The following GPR143 variants were observed in gnomAD, a reference collection of about 807,000 sequenced individuals.
GPR143 encodes G-protein coupled receptor 143.
In GPR143, 8 loss-of-function variants were observed where a neutral mutation model predicts 27.6. The observed-to-expected ratio is 0.29, with a 90% CI of 0.17 to 0.52. The LOEUF is 0.52. Ranked by LOEUF, GPR143 falls within the 20% of genes least tolerant of loss-of-function variation. The pLI, the probability that GPR143 is intolerant of heterozygous loss-of-function variation, is 0.96. For missense variants in GPR143, 303 were observed against 343.1 expected, an observed-to-expected ratio of 0.88 and a Z score of 0.92; for synonymous variants, 156 against 153.2, an observed-to-expected ratio of 1.02 and a Z score of -0.13.
At position 9,725,462 on chromosome X, in the gene GPR143, C is replaced by CACTT. The variant is rs954837294; in HGVS notation, c.*280_*283dup. ...TACTTCCCCAAGGATGTGGACCTTA[C>CACTT]ACTTACTTTACAGCCAGCCTCAGAA... is the stretch of plus-strand genomic sequence containing the variant. On this transcript the variant is annotated 3_prime_UTR_variant, in exon 9 of 9. Coordinates refer to ENST00000467482, the MANE Select transcript of GPR143 (RefSeq NM_000273.3). The CACTT allele has an allele frequency of 1.3e-5, 4 of 317,961 alleles. No homozygotes were observed. Among genetic ancestry groups the CACTT allele is most frequent in the Admixed American group, 5.4e-5 (1 of 18,639 alleles). The allele number at this position is 317,961 out of a possible 1,213,427, so 26.2% of individuals were successfully genotyped here. A position where few individuals can be genotyped will look rare whatever the true frequency, so the allele number is the denominator to read the frequency against.
chrX:9,748,715 C>T (rs1400331303), intron 3 of GPR143, 49 bp from the exon 4 acceptor site: 2 of 833,585 alleles, frequency 2.4e-6, no homozygotes, highest in Non-Finnish European at 3.6e-6. Flanking sequence ...GCACAGAGGC[C>T]TGCCTGGAAC....
At chrX:9,762,560 C>T (rs1188110042) in intron 1 of GPR143, among the ~76,000 whole-genome samples, 1 of 111,461 alleles carries the variant, frequency 9.0e-6, no homozygotes, top group Non-Finnish European at 1.9e-5. Flanking sequence ...CCATGCGATA[C>T]ACCACTAAAC....
At chrX:9,731,777 T>C (rs368810067) in intron 8 of GPR143, among the ~76,000 whole-genome samples, 4 of 87,852 alleles carry the variant, frequency 4.6e-5, no homozygotes, top group East Asian at 7.2e-4. Context: ...GAATAGGGAA[T>C]TGTGGGCAAT....
intron 3 of GPR143, among the ~76,000 whole-genome samples, chrX:9,755,559 C>T (rs959661974): frequency 9.1e-6 from 1 of 109,719 alleles, no homozygotes; most frequent in African/African-American, 3.3e-5. Context: ...ACTCCCAAGA[C>T]ACTACTTAAA....
intron 5 of GPR143, among the ~76,000 whole-genome samples, chrX:9,745,560 T>G (rs2083424877): frequency 2.7e-5 from 3 of 111,796 alleles, no homozygotes; most frequent in African/African-American, 9.8e-5. Flanking sequence ...GCCAACGACT[T>G]CATTACTCTT....
chrX:9,777,018 C>T (rs967077287), intron 1 of GPR143, among the ~76,000 whole-genome samples: 4 of 111,809 alleles, frequency 3.6e-5, no homozygotes, highest in Non-Finnish European at 5.6e-5. Flanking sequence ...GTTGCAATTA[C>T]CCAACTCTGC....
chrX:9,753,605 C>G (rs763487221), intron 3 of GPR143, among the ~76,000 whole-genome samples: 7 of 110,985 alleles, frequency 6.3e-5, no homozygotes, highest in Non-Finnish European at 1.1e-4. Context: ...TGCAGCAAAC[C>G]TGAACCTGAG....
rs1343628180 is a variant in GPR143, at chrX:9,748,917, G to A, written c.456-251C>T. The stretch of plus-strand genomic sequence containing the variant: ...TTTAGTACATTCACAATGCTCTGCA[G>A]CCATCACCAGCGTCTCCTTCCAAAA... On this transcript the variant is annotated intron_variant, in intron 3 of 8. Coordinates refer to ENST00000467482, the MANE Select transcript of GPR143 (RefSeq NM_000273.3). 3.6e-5 allele frequency among the ~76,000 whole-genome samples: 4 copies of A among 112,671 alleles called. No individual in the cohort carries two copies. The East Asian group carries it at 1.1e-3, about 31-fold the overall frequency.
At chrX:9,726,004 A>G in intron 8 of GPR143, 164 bp from the exon 9 acceptor site, 1 of 682,433 alleles carries the variant, frequency 1.5e-6, no homozygotes, top group Non-Finnish European at 1.7e-6. Flanking sequence ...AAAAAAAAAA[A>G]AGGTGGGAGG....
intron 8 of GPR143, among the ~76,000 whole-genome samples, chrX:9,732,811 C>T (rs371336563): frequency 3.3e-4 from 33 of 101,476 alleles, no homozygotes; most frequent in African/African-American, 9.4e-4. Flanking sequence ...TGCAGTGAGC[C>T]GAGATCGTGC....
chrX:9,767,724 A>G (rs757775285), upstream of GPR143, among the ~76,000 whole-genome samples: 1 of 112,454 alleles, frequency 8.9e-6, no homozygotes, highest in African/African-American at 3.2e-5. Context: ...TACACACTCC[A>G]TTGTAAAAAC....
chrX:9,767,361 T>A (rs775858251), upstream of GPR143, among the ~76,000 whole-genome samples: 2 of 110,718 alleles, frequency 1.8e-5, no homozygotes, highest in Non-Finnish European at 3.8e-5. Flanking sequence ...AATGGGCCCC[T>A]CTCTGGGTTT....
rs978104882 is a variant in GPR143, at chrX:9,761,218, C to A, written c.251-392G>T. On this transcript the variant is annotated intron_variant, in intron 1 of 8. Coordinates refer to ENST00000467482, the MANE Select transcript of GPR143 (RefSeq NM_000273.3). Reference sequence around the variant, plus strand: ...AAGTAATTCTCCTGCCTCAGCCTCCCGAGTGGCTGGGATTACAGGCACCCA... The same window carrying A: ...AAGTAATTCTCCTGCCTCAGCCTCCAGAGTGGCTGGGATTACAGGCACCCA... Among the ~76,000 whole-genome samples the A allele has an allele frequency of 4.5e-5, 5 of 111,002 alleles. No homozygotes were observed. The East Asian group carries it at 8.4e-4, about 19-fold the overall frequency.
chrX:9,760,621 G>T, intron 2 of GPR143, 96 bp downstream of exon 2: 1 of 534,154 alleles, frequency 1.9e-6, no homozygotes, highest in South Asian at 2.5e-5. Flanking sequence ...CAGGACGTGA[G>T]AACCTGCATT....
intron 3 of GPR143, among the ~76,000 whole-genome samples, chrX:9,757,154 C>T (rs907666218): frequency 1.4e-4 from 16 of 112,371 alleles, no homozygotes; most frequent in African/African-American, 5.2e-4. Flanking sequence ...TTGCTCACAG[C>T]TCTGGAGGCT....
chrX:9,752,165 C>T (rs1326538159), intron 3 of GPR143, among the ~76,000 whole-genome samples: 1 of 112,521 alleles, frequency 8.9e-6, no homozygotes, highest in African/African-American at 3.2e-5. Context: ...AACTCCTGAG[C>T]TCAAGCCTGC....
At chrX:9,736,529 A>G (rs1361965783) in intron 8 of GPR143, among the ~76,000 whole-genome samples, 1 of 111,100 alleles carries the variant, frequency 9.0e-6, no homozygotes, top group African/African-American at 3.3e-5. Context: ...GCCTCAAACG[A>G]TCCTCCTTCC....
chrX:9,754,394 T>A (rs1405478663), intron 3 of GPR143, among the ~76,000 whole-genome samples: 1 of 111,309 alleles, frequency 9.0e-6, no homozygotes, highest in East Asian at 2.8e-4. Context: ...GTCTCAGCAA[T>A]GTGGGCCAGG....
intron 1 of GPR143, among the ~76,000 whole-genome samples, chrX:9,771,277 T>C (rs2083553746): frequency 9.0e-6 from 1 of 110,846 alleles, no homozygotes; most frequent in African/African-American, 3.3e-5. Flanking sequence ...CCCAGGCTGG[T>C]CTCGAATTCC....
Sources: allele counts gnomAD v4.1 joint callset (sites outside exome capture counted in the v4.1 genomes callset), GRCh38; gene constraint gnomAD v4.1.1; transcripts MANE v1.5; gene names NCBI Gene and HGNC (gene_info 2026-07-23, HGNC 2026-07-21).